Variants in ASXL3 observed in about 807,000 individuals in gnomAD.
ASXL3 encodes putative Polycomb group protein ASXL3.
In ASXL3, 34 loss-of-function variants were observed where a neutral mutation model predicts 170.6. The observed-to-expected ratio is 0.20, with a 90% CI of 0.15 to 0.27. The LOEUF is 0.27. ASXL3 is among the 10% of genes least tolerant of loss of function. ASXL3 has a pLI of 1.00. For synonymous variants in ASXL3, 1,002 were observed against 989.1 expected (o/e 1.01, Z -0.24); for missense variants, 2,592 against 2,695.3 (o/e 0.96, Z 0.85).
intron 2 of ASXL3, among the ~76,000 whole-genome samples, chr18:33,609,294 C>T (rs1301891076): frequency 6.6e-6 from 1 of 151,982 alleles, no homozygotes; most frequent in Non-Finnish European, 1.5e-5. Flanking sequence ...AGGATGTCTA[C>T]TGTCTTATGT....
At chr18:33,594,132 A>G (rs1403983478) in intron 1 of ASXL3, among the ~76,000 whole-genome samples, 1 of 152,182 alleles carries the variant, frequency 6.6e-6, no homozygotes, top group Non-Finnish European at 1.5e-5. Flanking sequence ...CTTAAATCCT[A>G]CTGTCTGCAG....
At chr18:33,656,442 G>A (rs536674618) in intron 4 of ASXL3, among the ~76,000 whole-genome samples, 2 of 152,114 alleles carry the variant, frequency 1.3e-5, no homozygotes, top group South Asian at 4.2e-4. Flanking sequence ...CTTATTGGGT[G>A]GCTCAGTGGG....
intron 8 of ASXL3, among the ~76,000 whole-genome samples, chr18:33,703,617 G>C (rs1442590806): frequency 1.3e-5 from 2 of 152,054 alleles, no homozygotes; most frequent in African/African-American, 2.4e-5. Flanking sequence ...TTGAATTACT[G>C]TGTCAACTGA....
At chr18:33,613,002 C>A (rs1485448960) in intron 2 of ASXL3, among the ~76,000 whole-genome samples, 1 of 151,994 alleles carries the variant, frequency 6.6e-6, no homozygotes, top group South Asian at 2.1e-4. Context: ...GCACAGTCAG[C>A]TACTTAGAGA....
intron 1 of ASXL3, among the ~76,000 whole-genome samples, chr18:33,593,004 G>A (rs1227821491): frequency 6.6e-6 from 1 of 151,974 alleles, no homozygotes; most frequent in Non-Finnish European, 1.5e-5. Context: ...TGTCTACTGA[G>A]GAGGAAAGTT....
chr18:33,746,241 A>G lies in ASXL3; in HGVS notation c.6393A>G (p.Gln2131=), dbSNP rs776819832. The part of the protein sequence containing the change: ...DFSSYLLSEP[Q]KPFTQLAAQK... Reference sequence around the variant, plus strand: ...CTTCCTATTTGCTTTCTGAGCCACAAAAGCCTTTTACCCAATTAGCTGCTC... The same window carrying G: ...CTTCCTATTTGCTTTCTGAGCCACAGAAGCCTTTTACCCAATTAGCTGCTC... The change falls in exon 12 of 12, where the codon CAA becomes CAG. Residue 2131 remains glutamine (Q), a synonymous_variant. Transcript: ENST00000269197. 10 of 1,613,992 alleles carry G rather than the reference A, an allele frequency of 6.2e-6. No individual in the cohort carries two copies. Among genetic ancestry groups the G allele is most frequent in the Non-Finnish European group, 2.5e-6 (3 of 1,179,902 alleles).
intron 2 of ASXL3, among the ~76,000 whole-genome samples, chr18:33,638,509 G>A (rs1008834015): frequency 1.3e-5 from 2 of 152,104 alleles, no homozygotes; most frequent in Non-Finnish European, 2.9e-5. Flanking sequence ...AATGAAGCAG[G>A]TCACCTTATT....
At chr18:33,672,818 A>G (rs934703360) in intron 7 of ASXL3, among the ~76,000 whole-genome samples, 1 of 152,188 alleles carries the variant, frequency 6.6e-6, no homozygotes, top group Non-Finnish European at 1.5e-5. Flanking sequence ...AGTTGCTACT[A>G]TATGACAGAC....
Position 33,749,845 on chromosome 18 carries a change from G to C in ASXL3, c.*3250G>C, listed in dbSNP as rs2067856424. Reference sequence around the variant, plus strand: ...AAGTTTAGTTGACTGCTGGACCTTGGATATTCTTACTCGGTTCAAAATACA... The same window carrying C: ...AAGTTTAGTTGACTGCTGGACCTTGCATATTCTTACTCGGTTCAAAATACA... On this transcript the variant is annotated 3_prime_UTR_variant, in exon 12 of 12. Coordinates refer to ENST00000269197, the MANE Select transcript of ASXL3 (RefSeq NM_030632.3). 1 of 152,208 alleles carries C rather than the reference G, an allele frequency of 6.6e-6. No individual in the cohort carries two copies. Among genetic ancestry groups the C allele is most frequent in the African/African-American group, 2.4e-5 (1 of 41,448 alleles). The allele number at this position is 152,208 out of a possible 1,614,324, so 9.4% of individuals were successfully genotyped here. A position where few individuals can be genotyped will look rare whatever the true frequency, so the allele number is the denominator to read the frequency against.
chr18:33,629,855 G>A (rs1599417180), intron 2 of ASXL3, among the ~76,000 whole-genome samples: 2 of 151,952 alleles, frequency 1.3e-5, no homozygotes, highest in African/African-American at 4.8e-5. Context: ...TTATTAATAT[G>A]TATGTATAAT....
chr18:33,705,923 A>C (rs1196384255), intron 8 of ASXL3, among the ~76,000 whole-genome samples: 1 of 151,874 alleles, frequency 6.6e-6, no homozygotes, highest in African/African-American at 2.4e-5. Context: ...CCCACACAAA[A>C]GAACCTACTA....
At chr18:33,650,013 C>G (rs2065973252) in intron 4 of ASXL3, among the ~76,000 whole-genome samples, 1 of 152,048 alleles carries the variant, frequency 6.6e-6, no homozygotes, top group Admixed American at 6.6e-5. Context: ...CTCCATTTGC[C>G]CAACCTGGTG....
intron 2 of ASXL3, among the ~76,000 whole-genome samples, chr18:33,632,497 C>A (rs538071198): frequency 6.6e-6 from 1 of 152,162 alleles, no homozygotes; most frequent in Non-Finnish European, 1.5e-5. Context: ...GAGTCCAGAA[C>A]TAAATTCATC....
chr18:33,645,813 C>T (rs954242815), intron 3 of ASXL3, among the ~76,000 whole-genome samples: 2 of 151,812 alleles, frequency 1.3e-5, no homozygotes, highest in African/African-American at 2.4e-5. Flanking sequence ...AGCTACTAAG[C>T]ATCAGGCTGT....
intron 5 of ASXL3, among the ~76,000 whole-genome samples, chr18:33,667,686 A>G (rs146675644): frequency 3.2e-4 from 48 of 151,478 alleles, no homozygotes; most frequent in African/African-American, 1.1e-3. Context: ...CTGACATCCC[A>G]CTCTAAATTG....
chr18:33,698,547 G>A (rs1366460985), intron 8 of ASXL3, among the ~76,000 whole-genome samples: 1 of 152,084 alleles, frequency 6.6e-6, no homozygotes, highest in East Asian at 1.9e-4. Flanking sequence ...GGGAACCATT[G>A]ATGTATGCCT....
chr18:33,728,220 G>A (rs1003798222), intron 8 of ASXL3, among the ~76,000 whole-genome samples: 1 of 152,148 alleles, frequency 6.6e-6, no homozygotes. Flanking sequence ...AAGATGCTAA[G>A]TGTTACACCG....
At chr18:33,639,937 A>G (rs539213384) in intron 2 of ASXL3, among the ~76,000 whole-genome samples, 2 of 152,298 alleles carry the variant, frequency 1.3e-5, no homozygotes, top group East Asian at 3.9e-4. Context: ...TTCCTGATAA[A>G]AAGAGTGCCA....
chr18:33,739,043 A>T lies in ASXL3; in HGVS notation c.1639A>T (p.Thr547Ser). The T allele has an allele frequency of 1.2e-6, 2 of 1,613,418 alleles. No individual in the cohort carries two copies. Among genetic ancestry groups the T allele is most frequent in the Non-Finnish European group, 1.7e-6 (2 of 1,179,640 alleles). Residue 547 changes from threonine (T) to serine (S), a missense_variant, in exon 11 of 12, where the codon ACT (threonine) becomes TCT (serine). Physicochemically the swap from Thr to Ser is moderately conservative, Grantham distance 58. Coordinates refer to ENST00000269197, the MANE Select transcript of ASXL3 (RefSeq NM_030632.3). ...LEVCDSLIPS[T>S]SSMTHVSDTE... ...AGTCTGTGACTCTCTTATTCCTTCC[A>T]CTTCATCTATGACTCATGTCAGTGA...
Sources: allele counts gnomAD v4.1 joint callset (sites outside exome capture counted in the v4.1 genomes callset), GRCh38; gene constraint gnomAD v4.1.1; transcripts MANE v1.5; gene names NCBI Gene and HGNC (gene_info 2026-07-23, HGNC 2026-07-21).